The following ZFAT variants were observed in gnomAD, a reference collection of about 807,000 sequenced individuals.
ZFAT encodes the protein zinc finger and AT-hook domain containing, also known as zinc finger protein ZFAT.
A neutral mutation model predicts 117.7 loss-of-function variants in ZFAT; 64 were observed. The ratio of observed to expected loss-of-function variants is 0.54; its 90% CI spans 0.44 to 0.67. The LOEUF is 0.67. Ranked by LOEUF, ZFAT falls within the 30% of genes least tolerant of loss-of-function variation. The pLI, the probability that ZFAT is intolerant of heterozygous loss-of-function variation, is 0.00. For synonymous variants in ZFAT, 679 were observed against 615.0 expected (o/e 1.10, Z -1.54); for missense variants, 1,433 against 1,584.5 (o/e 0.90, Z 1.62).
chr8:134,602,843 G>A lies in ZFAT; in HGVS notation c.876C>T (p.Ile292=). The change falls in exon 6 of 16, where the codon ATC becomes ATT. Residue 292 remains isoleucine, a synonymous_variant. Transcript: ENST00000377838. The part of the protein sequence containing the change: ...FKHSLQAHLR[I]HTNEKPYKCP... ...ACTTGTATGGCTTTTCATTGGTGTG[G>A]ATCCTCAGGTGGGCCTGCAGCGAGT... The A allele has an allele frequency of 1.2e-6, 2 of 1,614,162 alleles. No individual in the cohort carries two copies. Among genetic ancestry groups the A allele is most frequent in the South Asian group, 2.2e-5 (2 of 91,080 alleles).
chr8:134,557,031 T>C (rs1266475848), intron 11 of ZFAT, among the ~76,000 whole-genome samples: 1 of 152,032 alleles, frequency 6.6e-6, no homozygotes, highest in Non-Finnish European at 1.5e-5. Context: ...AACAACACTA[T>C]ATTGAGGAGT....
intron 1 of ZFAT, among the ~76,000 whole-genome samples, chr8:134,705,380 T>TTC (rs1554625186): frequency 6.7e-6 from 1 of 149,340 alleles, no homozygotes; most frequent in Non-Finnish European, 1.5e-5. Flanking sequence ...TTTTTTTGTT[T>TTC]TTTTTTTTTT....
chr8:134,478,534 G>A lies in ZFAT; in HGVS notation c.3680C>T (p.Ala1227Val), dbSNP rs1473837920. 4.4e-6 allele frequency: 7 copies of A among 1,590,192 alleles called. No homozygotes were observed. In the Admixed American group the frequency reaches 1.2e-4, roughly 28 times the overall value. ...AGCCTGCTCCTCCACAGGCTGCATGGCCTCCTGCACGTAGACGATGAACTC... is the reference window on the plus strand; with the variant it reads ...AGCCTGCTCCTCCACAGGCTGCATGACCTCCTGCACGTAGACGATGAACTC... Reference protein sequence around the residue: ...ASEFIVYVQEAMQPVEEQAVE... With the variant: ...ASEFIVYVQEVMQPVEEQAVE... The change falls in exon 16 of 16, where the codon GCC (alanine) becomes GTC (valine). Residue 1227 changes from alanine (A) to valine (V), a missense_variant. Ala to Val is a moderately conservative substitution (Grantham distance 64). This residue lies in a region of ZFAT where 503 missense variants were observed against 543.4 expected (regional missense o/e 0.93). Coordinates refer to ENST00000377838, the MANE Select transcript of ZFAT (RefSeq NM_020863.4). The surrounding 1 kb of genome is among the most constrained non-coding windows in gnomAD (Gnocchi z 5.2).
the ZFAT span, among the ~76,000 whole-genome samples, chr8:134,805,193 G>T: frequency 6.6e-6 from 1 of 152,122 alleles, no homozygotes; most frequent in African/African-American, 2.4e-5. Context: ...AAACATTAAA[G>T]ATATTACCCT....
chr8:134,495,304 A>G (rs1461355986), intron 15 of ZFAT, among the ~76,000 whole-genome samples: 1 of 152,174 alleles, frequency 6.6e-6, no homozygotes, highest in East Asian at 1.9e-4. Context: ...GTGTTCTGAC[A>G]TGGTGGAAAG....
At chr8:134,485,961 T>C (rs968984390) in intron 15 of ZFAT, among the ~76,000 whole-genome samples, 1 of 152,236 alleles carries the variant, frequency 6.6e-6, no homozygotes, top group Non-Finnish European at 1.5e-5. Flanking sequence ...CACATGCCTG[T>C]GCAGAGGGCT....
intron 1 of ZFAT, among the ~76,000 whole-genome samples, chr8:134,712,036 AGC>A (rs1814019504): frequency 6.6e-6 from 1 of 152,216 alleles, no homozygotes; most frequent in African/African-American, 2.4e-5. Context: ...GTGATCAGTT[AGC>A]GCGTTCGTTC....
chr8:134,523,436 C>T (rs146427208), intron 12 of ZFAT, among the ~76,000 whole-genome samples: 205 of 152,350 alleles, frequency 1.3e-3, no homozygotes, highest in Middle Eastern at 6.8e-3. Flanking sequence ...GTGTCTCCCA[C>T]GCCTCCTGGC....
chr8:134,558,077 T>G (rs1359150680), intron 11 of ZFAT, among the ~76,000 whole-genome samples: 1 of 152,242 alleles, frequency 6.6e-6, no homozygotes, highest in Non-Finnish European at 1.5e-5. Context: ...AAGCATCTTC[T>G]GGGTTTAGAA....
chr8:134,762,199 AG>A, the ZFAT span, among the ~76,000 whole-genome samples: 1 of 152,208 alleles, frequency 6.6e-6, no homozygotes, highest in East Asian at 1.9e-4. Context: ...CCCAAATCAG[AG>A]GGGCAGTAAA....
At chr8:134,609,164 A>G (rs1262709147) in intron 4 of ZFAT, among the ~76,000 whole-genome samples, 6 of 152,086 alleles carry the variant, frequency 3.9e-5, no homozygotes, top group Admixed American at 3.3e-4. Context: ...ATACACACAC[A>G]CACATATACA....
At chr8:134,755,500 T>C in the ZFAT span, among the ~76,000 whole-genome samples, 8 of 151,318 alleles carry the variant, frequency 5.3e-5, no homozygotes, top group Non-Finnish European at 8.8e-5. Context: ...TTTTACTGAG[T>C]TCTTTTTGGC....
intron 7 of ZFAT, among the ~76,000 whole-genome samples, chr8:134,594,037 G>A (rs538161227): frequency 2.4e-4 from 37 of 152,320 alleles, no homozygotes; most frequent in African/African-American, 6.3e-4. Context: ...AAACGTGCTC[G>A]ATTTGGGATT....
chr8:134,532,895 A>C lies in ZFAT; in HGVS notation c.3054T>G (p.Pro1018=). ...SLKRHYNRKH[P]NEEYANVGTG... is the part of the protein sequence containing the mutation. ...TGCCCACGTTGGCATACTCCTCATTAGGGTGCTTCCTGTTGTAGTGCCGCT... is the reference window on the plus strand; with the variant it reads ...TGCCCACGTTGGCATACTCCTCATTCGGGTGCTTCCTGTTGTAGTGCCGCT... The change falls in exon 12 of 16, where the codon CCT becomes CCG. Residue 1018 remains proline, a synonymous_variant. Transcript: ENST00000377838. 1.9e-6 allele frequency: 3 copies of C among 1,609,814 alleles called. No individual in the cohort carries two copies. The highest frequency in any genetic ancestry group is 1.7e-5 in the Admixed American group (1 of 59,464).
intron 5 of ZFAT, among the ~76,000 whole-genome samples, chr8:134,605,787 A>G (rs1449417004): frequency 6.6e-6 from 1 of 152,190 alleles, no homozygotes; most frequent in African/African-American, 2.4e-5. Flanking sequence ...CCCTTAAAAA[A>G]GTGTTCCAGG....
At chr8:134,668,785 T>A (rs944104672) in intron 1 of ZFAT, among the ~76,000 whole-genome samples, 13 of 152,172 alleles carry the variant, frequency 8.5e-5, no homozygotes, top group African/African-American at 3.1e-4. Flanking sequence ...GAAGGAGGCT[T>A]CAGACGATTG....
intron 11 of ZFAT, among the ~76,000 whole-genome samples, chr8:134,550,910 C>A (rs200627168): frequency 0.089 from 13,516 of 152,120 alleles, 830 homozygotes; most frequent in East Asian, 0.34. Flanking sequence ...CATTTTCTTG[C>A]AAATTTGGAA....
At chr8:134,526,763 C>T (rs895077003) in intron 12 of ZFAT, among the ~76,000 whole-genome samples, 8 of 152,160 alleles carry the variant, frequency 5.3e-5, no homozygotes, top group African/African-American at 1.9e-4. Flanking sequence ...CTCAGGTAAG[C>T]CAAAGCTTCC....
chr8:134,502,484 C>A (rs1819066790), intron 15 of ZFAT, among the ~76,000 whole-genome samples: 1 of 152,212 alleles, frequency 6.6e-6, no homozygotes, highest in Admixed American at 6.5e-5. Context: ...CAATTCCAAC[C>A]CTGGCTGGCA....
Sources: gnomAD v4.1 joint callset for allele counts (sites outside exome capture counted in the v4.1 genomes callset) on GRCh38, gnomAD v4.1.1 for gene constraint, gnomAD v4.1.1 regional missense constraint, Gnocchi (gnomAD v3.1) non-coding constraint, MANE v1.5 for transcripts, NCBI Gene and HGNC (gene_info 2026-07-23, HGNC 2026-07-21) for gene names.